CTNNA2: variants seen among roughly 807,000 people sequenced by gnomAD.
The protein encoded by CTNNA2 is catenin alpha-2.
A neutral mutation model predicts 101.0 loss-of-function variants in CTNNA2; 42 were observed. That is an observed-to-expected ratio of 0.42 (90% CI 0.32 to 0.54). The LOEUF is 0.54. CTNNA2 is among the 20% of genes least tolerant of loss of function. The pLI, the probability that CTNNA2 is intolerant of heterozygous loss-of-function variation, is 0.14. For synonymous variants in CTNNA2, 450 were observed against 456.4 expected, an observed-to-expected ratio of 0.99 and a Z score of 0.18; for missense variants, 871 against 1,223.1, an observed-to-expected ratio of 0.71 and a Z score of 4.29.
At chr2:79,216,883 C>T (rs1000822699) in intron 2 of CTNNA2, among the ~76,000 whole-genome samples, 7 of 152,118 alleles carry the variant, frequency 4.6e-5, no homozygotes, top group Non-Finnish European at 7.4e-5. Flanking sequence ...AGGCAGGCAT[C>T]CCCACGTGGT....
intron 7 of CTNNA2, among the ~76,000 whole-genome samples, chr2:80,242,599 C>G (rs1273309156): frequency 6.6e-6 from 1 of 152,194 alleles, no homozygotes; most frequent in Non-Finnish European, 1.5e-5. Context: ...GTGCCAGCCT[C>G]CTGTGATCTT....
At chr2:79,663,091 G>A (rs1215622193) in intron 2 of CTNNA2, among the ~76,000 whole-genome samples, 1 of 152,050 alleles carries the variant, frequency 6.6e-6, no homozygotes, top group East Asian at 1.9e-4. Context: ...TCAGCCCACA[G>A]TTTTTCACAG....
rs1169491372 is a variant in CTNNA2, at chr2:79,227,829, G to A, written c.-406+29753G>A. Reference sequence around the variant, plus strand: ...TTACATGGGTAAATTACATGATACTGAGGTTTGGGGTCCCAAAGATCTTAC... The same window carrying A: ...TTACATGGGTAAATTACATGATACTAAGGTTTGGGGTCCCAAAGATCTTAC... On this transcript the variant is annotated intron_variant, in intron 2 of 21. Coordinates refer to the CTNNA2 transcript ENST00000466387. Among the ~76,000 whole-genome samples the A allele has an allele frequency of 3.9e-5, 6 of 152,088 alleles. No homozygotes were observed. In the East Asian group the frequency reaches 1.2e-3, roughly 29 times the overall value.
chr2:80,523,768 A>T (rs1689783015), intron 9 of CTNNA2, among the ~76,000 whole-genome samples: 3 of 152,188 alleles, frequency 2.0e-5, no homozygotes, highest in African/African-American at 2.4e-5. Flanking sequence ...GACTTTGAAA[A>T]GTTGATAATG....
Position 79,546,735 on chromosome 2 carries a change from G to A in CTNNA2, c.-6+33528G>A, listed in dbSNP as rs545637246. 2.0e-5 allele frequency among the ~76,000 whole-genome samples: 3 copies of A among 152,262 alleles called. No homozygotes were observed. In the South Asian group the frequency reaches 6.2e-4, roughly 32 times the overall value. On this transcript the variant is annotated intron_variant, in intron 1 of 18. Coordinates refer to ENST00000402739, the MANE Select transcript of CTNNA2 (RefSeq NM_001282597.3). The stretch of plus-strand genomic sequence containing the variant: ...GGAGCAATCAAGTAAGCAATGGCAT[G>A]TTAACTCACTGGAATACTGATTGAT...
intron 9 of CTNNA2, among the ~76,000 whole-genome samples, chr2:80,443,879 C>T (rs748678521): frequency 3.0e-4 from 46 of 152,216 alleles, no homozygotes; most frequent in Non-Finnish European, 7.3e-5. Flanking sequence ...TTATATATTT[C>T]CTGTGCCCTA....
At chr2:79,726,751 G>A (rs1026475747) in intron 2 of CTNNA2, among the ~76,000 whole-genome samples, 1 of 152,184 alleles carries the variant, frequency 6.6e-6, no homozygotes, top group Non-Finnish European at 1.5e-5. Context: ...GGAAAACAAG[G>A]CAATATTTTA....
At chr2:79,930,279 AG>A (rs1243267717) in intron 7 of CTNNA2, among the ~76,000 whole-genome samples, 35 of 14,372 alleles carry the variant, frequency 2.4e-3, no homozygotes, top group African/African-American at 3.2e-3. Flanking sequence ...AGAAAGAAAG[AG>A]AGAGAGAGAG....
intron 18 of CTNNA2, among the ~76,000 whole-genome samples, chr2:80,634,983 A>G (rs948923791): frequency 3.3e-5 from 5 of 152,164 alleles, no homozygotes; most frequent in African/African-American, 1.2e-4. Flanking sequence ...GGTTGGGAAC[A>G]GTCTACAAGA....
intron 1 of CTNNA2, among the ~76,000 whole-genome samples, chr2:79,553,535 C>T (rs1388997583): frequency 1.3e-5 from 2 of 152,166 alleles, no homozygotes; most frequent in Admixed American, 1.3e-4. Context: ...TTCACAGTTG[C>T]ACAGGCTTAA....
intron 17 of CTNNA2, among the ~76,000 whole-genome samples, chr2:80,618,531 A>G (rs1164721330): frequency 6.6e-6 from 1 of 151,906 alleles, no homozygotes; most frequent in Non-Finnish European, 1.5e-5. Context: ...AAAGAGTTGC[A>G]ATTGTAGCAA....
At chr2:80,341,476 G>T (rs1312071184) in intron 7 of CTNNA2, among the ~76,000 whole-genome samples, 1 of 152,086 alleles carries the variant, frequency 6.6e-6, no homozygotes, top group Non-Finnish European at 1.5e-5. Context: ...TATCCAGAAA[G>T]ACATGCAAAT....
At chr2:79,610,327 A>G (rs903892531) in intron 1 of CTNNA2, among the ~76,000 whole-genome samples, 3 of 152,136 alleles carry the variant, frequency 2.0e-5, no homozygotes, top group Non-Finnish European at 4.4e-5. Flanking sequence ...GTGGGAAAAT[A>G]TAGTGGTAAA....
In CTNNA2 at chr2:79,835,666, G is replaced by GTTTTTTTTTTTTTTTT. The variant is rs70940048; in HGVS notation, c.299-22325_299-22310dup. ...CTGTGCTGCAGAATGGCCTCTCTTT[G>GTTTTTTTTTTTTTTTT]TTTTTTTTTTTTTTTTTTTTTTTTT... On this transcript the variant is annotated intron_variant, in intron 3 of 18. Coordinates refer to ENST00000402739, the MANE Select transcript of CTNNA2 (RefSeq NM_001282597.3). Among the ~76,000 whole-genome samples, 7 of 58,634 alleles carry GTTTTTTTTTTTTTTTT rather than the reference G, an allele frequency of 1.2e-4. 1 individual carries two copies. The highest frequency in any genetic ancestry group is 4.4e-4 in the African/African-American group (6 of 13,696). 38.5% of individuals were successfully genotyped at this position (58,634 alleles called of 152,430 possible). A position where few individuals can be genotyped will look rare whatever the true frequency, so the allele number is the denominator to read the frequency against.
chr2:79,202,864 A>G (rs555972804), intron 2 of CTNNA2, among the ~76,000 whole-genome samples: 19 of 152,284 alleles, frequency 1.2e-4, no homozygotes, highest in African/African-American at 2.6e-4. Flanking sequence ...AAGGGTCACA[A>G]ATTCAAAGCT....
chr2:80,169,533 C>T (rs769133741), intron 7 of CTNNA2, among the ~76,000 whole-genome samples: 8 of 152,200 alleles, frequency 5.3e-5, no homozygotes, highest in Non-Finnish European at 1.2e-4. Context: ...CCCATATTGA[C>T]TCTTTGCTGA....
chr2:80,220,016 C>A (rs1017861604), intron 7 of CTNNA2, among the ~76,000 whole-genome samples: 2 of 151,858 alleles, frequency 1.3e-5, no homozygotes, highest in African/African-American at 2.4e-5. Flanking sequence ...ACCAACAAAC[C>A]AACAAACAAA....
At chr2:79,302,019 G>C (rs1676123063) in intron 2 of CTNNA2, among the ~76,000 whole-genome samples, 1 of 152,180 alleles carries the variant, frequency 6.6e-6, no homozygotes, top group Non-Finnish European at 1.5e-5. Context: ...CTTGAACCTG[G>C]GAGGCGGAGG....
At chr2:80,168,562 A>G (rs991677740) in intron 7 of CTNNA2, among the ~76,000 whole-genome samples, 6 of 152,100 alleles carry the variant, frequency 3.9e-5, no homozygotes, top group Non-Finnish European at 8.8e-5. Flanking sequence ...CTAAGTGATC[A>G]TCAAAGTTTC....
Sources: gnomAD v4.1 joint callset for allele counts (sites outside exome capture counted in the v4.1 genomes callset) on GRCh38, gnomAD v4.1.1 for gene constraint, MANE v1.5 for transcripts, NCBI Gene and HGNC (gene_info 2026-07-23, HGNC 2026-07-21) for gene names.